Variants in PIK3CB observed in about 807,000 individuals in gnomAD.
PIK3CB encodes the protein phosphatidylinositol-4,5-bisphosphate 3-kinase catalytic subunit beta, also known as phosphatidylinositol 4,5-bisphosphate 3-kinase catalytic subunit beta isoform.
A neutral mutation model predicts 136.8 loss-of-function variants in PIK3CB; 39 were observed. The ratio of observed to expected loss-of-function variants is 0.29; its 90% confidence interval spans 0.22 to 0.37. The LOEUF (loss-of-function observed/expected upper bound fraction) is 0.37, where lower values mean the gene tolerates loss of function less well. Among genes scored for constraint, PIK3CB ranks in the 10% least tolerant of loss-of-function variants. PIK3CB has a pLI of 1.00. For synonymous variants in PIK3CB, 428 were observed against 436.6 expected (o/e 0.98, Z 0.25); for missense variants, 868 against 1,275.4 (o/e 0.68, Z 4.87).
intron 3 of PIK3CB, 134 bp from the exon 4 acceptor site, chr3:138,756,113 T>C (rs146676609): frequency 3.9e-4 from 176 of 454,620 alleles, no homozygotes; most frequent in African/African-American, 3.3e-3. Flanking sequence ...CAATAAAAGA[T>C]TGGTTAAATG....
intron 1 of PIK3CB, among the ~76,000 whole-genome samples, chr3:138,832,826 G>A (rs1188914343): frequency 1.2e-5 from 1 of 82,174 alleles, no homozygotes; most frequent in African/African-American, 5.0e-5. Context: ...GCGAAACTCC[G>A]TCTCAAAAAA....
At position 138,654,040 on chromosome 3, in the gene PIK3CB, A is replaced by C. The variant is rs1430967485; in HGVS notation, c.*1349T>G. On this transcript the variant is annotated 3_prime_UTR_variant, in exon 24 of 24. Coordinates refer to ENST00000674063, the MANE Select transcript of PIK3CB (RefSeq NM_006219.3). Reference sequence around the variant, plus strand: ...ACCCATTCCAAGAGCAGCCGAAACCAGCTCACTCATTTATTTGACTGAGAA... The same window carrying C: ...ACCCATTCCAAGAGCAGCCGAAACCCGCTCACTCATTTATTTGACTGAGAA... 5.1e-6 allele frequency: 1 copy of C among 195,862 alleles called. No individual in the cohort carries two copies. Among genetic ancestry groups the C allele is most frequent in the Non-Finnish European group, 1.1e-5 (1 of 94,380 alleles). 12.1% of individuals were successfully genotyped at this position (195,862 alleles called of 1,614,324 possible).
intron 10 of PIK3CB, among the ~76,000 whole-genome samples, chr3:138,708,356 G>A (rs1202020604): frequency 1.3e-5 from 2 of 149,472 alleles, no homozygotes; most frequent in African/African-American, 4.9e-5. Flanking sequence ...CACCTCCCAG[G>A]CTCAAGTGAT....
chr3:138,814,358 A>C (rs1933204641), intron 1 of PIK3CB, among the ~76,000 whole-genome samples: 1 of 151,828 alleles, frequency 6.6e-6, no homozygotes, highest in East Asian at 1.9e-4. Context: ...GGCGCCTATA[A>C]TCCCAGCTAC....
intron 1 of PIK3CB, among the ~76,000 whole-genome samples, chr3:138,806,359 G>A (rs910934116): frequency 6.6e-6 from 1 of 152,034 alleles, no homozygotes; most frequent in Non-Finnish European, 1.5e-5. Flanking sequence ...GGTGATGCAC[G>A]CTTGTAGTCC....
rs116515128 is a variant in PIK3CB at position 138,792,418 on chromosome 3, G to A, written c.-17+4045C>T. On this transcript the variant is annotated intron_variant, in intron 2 of 23. Coordinates refer to ENST00000674063, the MANE Select transcript of PIK3CB (RefSeq NM_006219.3). Reference sequence around the variant, plus strand: ...GAGACACAGTCTCGCTCTGTTGCCCGGCTGAAGTGCAGTGGTAGGATCTGG... The same window carrying A: ...GAGACACAGTCTCGCTCTGTTGCCCAGCTGAAGTGCAGTGGTAGGATCTGG... 2.8e-3 allele frequency among the ~76,000 whole-genome samples: 427 copies of A among 151,920 alleles called. 1 individual carries two copies. Among genetic ancestry groups the A allele is most frequent in the African/African-American group, 9.8e-3 (405 of 41,472 alleles).
At position 138,811,350 on chromosome 3, in the gene PIK3CB, T is replaced by C. The variant is rs975949988; in HGVS notation, c.-121-14783A>G. Among the ~76,000 whole-genome samples, 23 of 149,586 alleles carry C rather than the reference T, an allele frequency of 1.5e-4. 1 individual carries two copies. Among genetic ancestry groups the C allele is most frequent in the Admixed American group, 1.5e-3 (23 of 14,978 alleles). ...AAATACATAATTGGTAAAATTGGAA[T>C]ATAAACTATATATTAGGTAACAATA... On this transcript the variant is annotated intron_variant, in intron 1 of 23. Coordinates refer to ENST00000674063, the MANE Select transcript of PIK3CB (RefSeq NM_006219.3).
chr3:138,778,247 A>G (rs567104635), intron 2 of PIK3CB: 16 of 429,334 alleles, frequency 3.7e-5, no homozygotes, highest in African/African-American at 2.7e-4. Flanking sequence ...AAGTAAAAAA[A>G]CACCTCGCAA....
At chr3:138,812,790 A>G (rs998236040) in intron 1 of PIK3CB, among the ~76,000 whole-genome samples, 5 of 152,126 alleles carry the variant, frequency 3.3e-5, no homozygotes, top group African/African-American at 1.2e-4. Flanking sequence ...CAGCCTCCCA[A>G]AGTGCTGGGA....
At chr3:138,823,486 C>T (rs1933650551) in intron 1 of PIK3CB, among the ~76,000 whole-genome samples, 1 of 151,454 alleles carries the variant, frequency 6.6e-6, no homozygotes, top group Admixed American at 6.6e-5. Flanking sequence ...GGGCAGATCA[C>T]GAGGTCAGGA....
chr3:138,691,405 T>G (rs905698685), intron 14 of PIK3CB, among the ~76,000 whole-genome samples: 1 of 152,206 alleles, frequency 6.6e-6, no homozygotes, highest in African/African-American at 2.4e-5. Context: ...TGATATGGTC[T>G]GGCTTTTGTC....
chr3:138,747,097 T>TAC (rs2045375600), intron 4 of PIK3CB, among the ~76,000 whole-genome samples: 2 of 84,742 alleles, frequency 2.4e-5, no homozygotes, highest in African/African-American at 4.8e-5. Context: ...TATATATATA[T>TAC]ATATATATAT....
intron 8 of PIK3CB, among the ~76,000 whole-genome samples, chr3:138,730,951 A>G (rs932702921): frequency 6.6e-6 from 1 of 152,086 alleles, no homozygotes; most frequent in African/African-American, 2.4e-5. Context: ...TTTTTTTAAA[A>G]AAAGAATAAA....
chr3:138,712,393 T>A (rs2044521159), intron 9 of PIK3CB, 89 bp from the exon 10 acceptor site: 1 of 517,818 alleles, frequency 1.9e-6, no homozygotes, highest in Non-Finnish European at 3.4e-6. Context: ...TAATGTTAGT[T>A]CTAGAAAGTT....
chr3:138,815,339 A>C (rs889337784), intron 1 of PIK3CB, among the ~76,000 whole-genome samples: 3 of 131,844 alleles, frequency 2.3e-5, no homozygotes, highest in Admixed American at 1.6e-4. Flanking sequence ...CCTGGGTGAC[A>C]GAACCACATC....
At chr3:138,771,207 T>C (rs1404761714) in intron 2 of PIK3CB, among the ~76,000 whole-genome samples, 2 of 148,736 alleles carry the variant, frequency 1.3e-5, no homozygotes, top group Non-Finnish European at 3.0e-5. Context: ...CTGAACAGTA[T>C]AGAACTTCAT....
chr3:138,741,088 T>C (rs1576375863), intron 5 of PIK3CB, among the ~76,000 whole-genome samples: 1 of 152,374 alleles, frequency 6.6e-6, no homozygotes. Flanking sequence ...AACTTTAGAC[T>C]CAACGTATCT....
chr3:138,676,723 G>A (rs561958443), intron 19 of PIK3CB, among the ~76,000 whole-genome samples: 17 of 152,192 alleles, frequency 1.1e-4, no homozygotes, highest in African/African-American at 2.9e-4. Flanking sequence ...AAGCCATTAC[G>A]CTTAGAGAAA....
At chr3:138,826,382 C>A in intron 1 of PIK3CB, 1 of 1,499,184 alleles carries the variant, frequency 6.7e-7, no homozygotes, top group Non-Finnish European at 9.1e-7. Context: ...GGAAGAATAG[C>A]CTCAGAAATG....
Sources: allele counts gnomAD v4.1 joint callset (sites outside exome capture counted in the v4.1 genomes callset), GRCh38; gene constraint gnomAD v4.1.1; transcripts MANE v1.5; gene names NCBI Gene and HGNC (gene_info 2026-07-23, HGNC 2026-07-21).